The following KCNK13 variants were observed in gnomAD, a reference collection of about 807,000 sequenced individuals.
KCNK13 encodes the protein potassium channel subfamily K member 13.
KCNK13 carries 12 observed loss-of-function variants against 23.4 expected under a neutral mutation model. The ratio of observed to expected loss-of-function variants is 0.51; its 90% CI spans 0.33 to 0.83. The LOEUF is 0.83. Among genes scored for constraint, KCNK13 ranks in the 40% least tolerant of loss-of-function variants. The probability of loss-of-function intolerance (pLI) is 0.02; values close to 1 mark genes in which losing one functional copy is unlikely to be tolerated. For missense variants in KCNK13, 463 were observed against 556.3 expected (o/e 0.83, Z 1.69); for synonymous variants, 231 against 229.5 (o/e 1.01, Z -0.06).
rs772343714 is a variant in KCNK13, at chr14:90,184,973, C to T, written c.1197C>T (p.Asn399=). ...GGVGAFAIMN[N]RLAETSGDR is the part of the protein sequence containing the mutation. The stretch of plus-strand genomic sequence containing the variant: ...TGGGAGCCTTTGCAATCATGAACAA[C>T]AGGTTGGCAGAGACCAGTGGGGACA... Residue 399 remains asparagine, a synonymous_variant, in exon 2 of 2, where the codon AAC becomes AAT. Coordinates refer to ENST00000282146, the MANE Select transcript of KCNK13 (RefSeq NM_022054.4). The surrounding 1 kb of genome is among the most constrained non-coding windows in gnomAD (Gnocchi z 5.6). 1.9e-6 allele frequency: 3 copies of T among 1,602,508 alleles called. No individual in the cohort carries two copies. Among genetic ancestry groups the T allele is most frequent in the Non-Finnish European group, 2.6e-6 (3 of 1,173,558 alleles).
intron 1 of KCNK13, among the ~76,000 whole-genome samples, chr14:90,164,477 A>G (rs764901599): frequency 6.6e-6 from 1 of 152,216 alleles, no homozygotes; most frequent in Non-Finnish European, 1.5e-5. Flanking sequence ...GAAGGGAAGA[A>G]AGAGACTAGA....
chr14:90,161,431 A>G (rs1263907816), intron 1 of KCNK13, among the ~76,000 whole-genome samples: 1 of 152,248 alleles, frequency 6.6e-6, no homozygotes, highest in Non-Finnish European at 1.5e-5. Context: ...TAAAATGGTG[A>G]AAATGGCAAA....
At chr14:90,122,189 T>C (rs1566955460) in intron 1 of KCNK13, among the ~76,000 whole-genome samples, 1 of 152,200 alleles carries the variant, frequency 6.6e-6, no homozygotes, top group Non-Finnish European at 1.5e-5. Flanking sequence ...TTCAGTTATA[T>C]ATAATGCTAT....
Position 90,184,965 on chromosome 14 carries a change from A to T in KCNK13, c.1189A>T (p.Met397Leu). 1 of 1,608,800 alleles carries T rather than the reference A, an allele frequency of 6.2e-7. No homozygotes were observed. Among genetic ancestry groups the T allele is most frequent in the Non-Finnish European group, 8.5e-7 (1 of 1,177,212 alleles). The change falls in exon 2 of 2, where the codon ATG becomes TTG. Residue 397 changes from methionine (M) to leucine (L), a missense_variant. Physicochemically the swap from Met to Leu is conservative, Grantham distance 15. Coordinates refer to ENST00000282146, the MANE Select transcript of KCNK13 (RefSeq NM_022054.4). This position sits in a 1 kb window ranked among gnomAD's most constrained non-coding sequence, Gnocchi z 5.6. ...FSGGVGAFAI[M>L]NNRLAETSGD... is the part of the protein sequence containing the mutation. The stretch of plus-strand genomic sequence containing the variant: ...AGGGGGGGTGGGAGCCTTTGCAATC[A>T]TGAACAACAGGTTGGCAGAGACCAG...
In KCNK13 at chr14:90,062,226, C is replaced by T; in HGVS notation, c.21C>T (p.Ser7=). Residue 7 remains serine (S), a synonymous_variant, in exon 1 of 2, where the codon AGC becomes AGT. Coordinates refer to ENST00000282146, the MANE Select transcript of KCNK13 (RefSeq NM_022054.4). The surrounding 1 kb of genome is among the most constrained non-coding windows in gnomAD (Gnocchi z 4.5). ...CGGCCATGGCTGGCCGGGGTTTCAG[C>T]TGGGGCCCGGGCCACCTGAACGAGG... is the stretch of plus-strand genomic sequence containing the variant. MAGRGF[S]WGPGHLNEDN... The T allele has an allele frequency of 6.9e-7, 1 of 1,452,944 alleles. No homozygotes were observed. The highest frequency in any genetic ancestry group is 9.0e-7 in the Non-Finnish European group (1 of 1,106,060). The allele number at this position is 1,452,944 out of a possible 1,614,324, so 90.0% of individuals were successfully genotyped here.
At chr14:90,069,942 G>A (rs770863634) in intron 1 of KCNK13, among the ~76,000 whole-genome samples, 1 of 152,102 alleles carries the variant, frequency 6.6e-6, no homozygotes. Context: ...TCAGTGTCTA[G>A]TGACAAAATA....
At chr14:90,181,238 T>A (rs1268320595) in intron 1 of KCNK13, among the ~76,000 whole-genome samples, 1 of 152,184 alleles carries the variant, frequency 6.6e-6, no homozygotes, top group Non-Finnish European at 1.5e-5. Flanking sequence ...TCTTTGGCCA[T>A]CTTAGTCCAC....
At chr14:90,174,160 A>G (rs1248965246) in intron 1 of KCNK13, among the ~76,000 whole-genome samples, 1 of 152,070 alleles carries the variant, frequency 6.6e-6, no homozygotes, top group African/African-American at 2.4e-5. Flanking sequence ...TACAAAAAAA[A>G]TTAGCCGGGT....
intron 1 of KCNK13, among the ~76,000 whole-genome samples, chr14:90,143,755 G>A (rs1566644975): frequency 6.6e-6 from 1 of 152,214 alleles, no homozygotes; most frequent in Non-Finnish European, 1.5e-5. Flanking sequence ...CAGAAAAAGG[G>A]AAGAGATGTG....
intron 1 of KCNK13, among the ~76,000 whole-genome samples, chr14:90,088,183 A>G (rs1889303294): frequency 6.6e-6 from 1 of 151,904 alleles, no homozygotes; most frequent in Admixed American, 6.6e-5. Flanking sequence ...TTGTATTTGT[A>G]GTAGAGACAG....
intron 1 of KCNK13, among the ~76,000 whole-genome samples, chr14:90,175,323 A>C (rs554395337): frequency 2.4e-4 from 36 of 152,238 alleles, no homozygotes; most frequent in Admixed American, 5.9e-4. Context: ...TCCCTACTTC[A>C]TCTCAAAAAG....
intron 1 of KCNK13, among the ~76,000 whole-genome samples, chr14:90,145,857 C>T (rs555932994): frequency 6.6e-6 from 1 of 151,866 alleles, no homozygotes; most frequent in South Asian, 2.1e-4. Context: ...AAAAATTAGC[C>T]AGGTGTGGTG....
intron 1 of KCNK13, among the ~76,000 whole-genome samples, chr14:90,164,221 A>G (rs1010946488): frequency 2.6e-5 from 4 of 152,216 alleles, no homozygotes; most frequent in Admixed American, 2.0e-4. Flanking sequence ...GTGTGCCACA[A>G]ATGTCACAAT....
At chr14:90,174,431 C>T (rs1015483246) in intron 1 of KCNK13, among the ~76,000 whole-genome samples, 1 of 152,226 alleles carries the variant, frequency 6.6e-6, no homozygotes, top group African/African-American at 2.4e-5. Context: ...CACCAGGTCC[C>T]TCCTTTGACA....
chr14:90,073,871 C>T (rs956156323), intron 1 of KCNK13, among the ~76,000 whole-genome samples: 1 of 152,128 alleles, frequency 6.6e-6, no homozygotes, highest in Admixed American at 6.5e-5. Context: ...GATGGGATTT[C>T]ACCATGTTGG....
chr14:90,151,750 T>C lies in KCNK13; in HGVS notation c.335-32361T>C, dbSNP rs114627177. ...TCTGTGTTTTCTTCTAGTAGTTTTA[T>C]AGTTTCAGGTCTTAATGTTTAAGTC... On this transcript the variant is annotated intron_variant, in intron 1 of 1. Transcript: ENST00000282146. 6.5e-3 allele frequency among the ~76,000 whole-genome samples: 984 copies of C among 152,356 alleles called. 15 individuals are homozygous for C. Among genetic ancestry groups the C allele is most frequent in the African/African-American group, 0.023 (954 of 41,582 alleles).
At chr14:90,089,101 A>G (rs529878632) in intron 1 of KCNK13, among the ~76,000 whole-genome samples, 2 of 152,370 alleles carry the variant, frequency 1.3e-5, no homozygotes, top group African/African-American at 4.8e-5. Flanking sequence ...AGATACTTGA[A>G]AATGTGGAAA....
In KCNK13 at chr14:90,062,307, C is replaced by A. The variant is rs1344832311; in HGVS notation, c.102C>A (p.Gly34=). Residue 34 remains glycine, a synonymous_variant, in exon 1 of 2, where the codon GGC becomes GGA. Coordinates refer to ENST00000282146, the MANE Select transcript of KCNK13 (RefSeq NM_022054.4). The surrounding 1 kb of genome is among the most constrained non-coding windows in gnomAD (Gnocchi z 4.5). ...TCATCGTGCTCTACCTGCTGGGCGG[C>A]GCCGCCGTCTTCTCCGCGCTGGAGC... ...AALIVLYLLG[G]AAVFSALELA... The A allele has an allele frequency of 1.9e-6, 3 of 1,557,060 alleles. No homozygotes were observed. The highest frequency in any genetic ancestry group is 1.8e-5 in the Admixed American group (1 of 54,258).
chr14:90,092,279 G>C (rs891831898), intron 1 of KCNK13, among the ~76,000 whole-genome samples: 7 of 152,298 alleles, frequency 4.6e-5, no homozygotes, highest in Admixed American at 2.6e-4. Context: ...AACATTTGTA[G>C]TGACTCCTCT....
Sources: gnomAD v4.1 joint callset for allele counts (sites outside exome capture counted in the v4.1 genomes callset) on GRCh38, gnomAD v4.1.1 for gene constraint, Gnocchi (gnomAD v3.1) non-coding constraint, MANE v1.5 for transcripts, NCBI Gene and HGNC (gene_info 2026-07-23, HGNC 2026-07-21) for gene names.